Variants in KCNMB2 observed in about 807,000 individuals in gnomAD.
KCNMB2 encodes the protein calcium-activated potassium channel subunit beta-2.
Under a neutral mutation model 24.5 loss-of-function variants are expected in KCNMB2, and 9 were observed. That is an observed-to-expected ratio of 0.37 (90% CI 0.22 to 0.64). KCNMB2 has a LOEUF of 0.64. Among genes scored for constraint, KCNMB2 ranks in the 30% least tolerant of loss-of-function variants. KCNMB2 has a pLI of 0.63. For synonymous variants in KCNMB2, 109 were observed against 104.4 expected (o/e 1.04, Z -0.27); for missense variants, 226 against 284.3 (o/e 0.79, Z 1.47).
intron 1 of KCNMB2, among the ~76,000 whole-genome samples, chr3:178,799,636 C>T (rs1213641099): frequency 3.9e-5 from 6 of 152,094 alleles, no homozygotes; most frequent in African/African-American, 1.2e-4. Context: ...CAATCCCTAT[C>T]AAAATACCAA....
At chr3:178,822,596 T>C (rs944112338) in intron 2 of KCNMB2, among the ~76,000 whole-genome samples, 2 of 152,226 alleles carry the variant, frequency 1.3e-5, no homozygotes, top group African/African-American at 4.8e-5. Context: ...ATTAATTCTA[T>C]AATCATTTAC....
chr3:178,653,655 T>C (rs1340613048), intron 1 of KCNMB2, among the ~76,000 whole-genome samples: 1 of 152,136 alleles, frequency 6.6e-6, no homozygotes, highest in African/African-American at 2.4e-5. Flanking sequence ...AAAGTAACAA[T>C]TGATATAATT....
chr3:178,705,288 C>T (rs1722240622), intron 1 of KCNMB2, among the ~76,000 whole-genome samples: 1 of 152,040 alleles, frequency 6.6e-6, no homozygotes, highest in Admixed American at 6.6e-5. Context: ...TCTAGGTAGT[C>T]ACTTCCTATC....
chr3:178,649,273 C>A (rs1423378056), intron 1 of KCNMB2, among the ~76,000 whole-genome samples: 1 of 152,124 alleles, frequency 6.6e-6, no homozygotes, highest in Admixed American at 6.6e-5. Flanking sequence ...TCAATAAATT[C>A]TTCTCCACAT....
At chr3:178,701,388 C>T (rs1477981834) in intron 1 of KCNMB2, among the ~76,000 whole-genome samples, 2 of 152,064 alleles carry the variant, frequency 1.3e-5, no homozygotes, top group African/African-American at 4.8e-5. Flanking sequence ...AGTCAGGTAG[C>T]CTGATGCCTC....
At position 178,809,052 on chromosome 3, in the gene KCNMB2, T is replaced by C. The variant is rs549483492; in HGVS notation, c.56+1587T>C. Reference sequence around the variant, plus strand: ...TTCACTGCTTTTTCTCAAGGCTTAATCAAATTATTTTTCATTTGCTTTCAA... The same window carrying C: ...TTCACTGCTTTTTCTCAAGGCTTAACCAAATTATTTTTCATTTGCTTTCAA... On this transcript the variant is annotated intron_variant, in intron 2 of 4. Coordinates refer to ENST00000452583, the MANE Select transcript of KCNMB2 (RefSeq NM_181361.3). Among the ~76,000 whole-genome samples, 101 of 152,326 alleles carry C rather than the reference T, an allele frequency of 6.6e-4. 1 individual carries two copies. The highest frequency in any genetic ancestry group is 1.3e-3 in the Non-Finnish European group (87 of 68,036).
At chr3:178,602,468 A>G in intron 1 of KCNMB2, among the ~76,000 whole-genome samples, 1 of 152,104 alleles carries the variant, frequency 6.6e-6, no homozygotes, top group Non-Finnish European at 1.5e-5. Flanking sequence ...AGGAATCAGC[A>G]ATTACAATAA....
chr3:178,777,495 G>A (rs969396147), intron 1 of KCNMB2, among the ~76,000 whole-genome samples: 6 of 152,138 alleles, frequency 3.9e-5, no homozygotes, highest in African/African-American at 1.4e-4. Flanking sequence ...TAAAATATCT[G>A]GAAAGCAATC....
intron 1 of KCNMB2, among the ~76,000 whole-genome samples, chr3:178,800,604 T>G (rs1033639424): frequency 6.6e-6 from 1 of 152,176 alleles, no homozygotes; most frequent in Non-Finnish European, 1.5e-5. Context: ...ACAACCGTTA[T>G]GGAAAACAGT....
chr3:178,831,305 A>G (rs1485583617), intron 4 of KCNMB2, among the ~76,000 whole-genome samples: 1 of 152,194 alleles, frequency 6.6e-6, no homozygotes, highest in African/African-American at 2.4e-5. Flanking sequence ...ACGCCTATCC[A>G]CTTTTGGTGG....
At chr3:178,705,501 T>C (rs1722247694) in intron 1 of KCNMB2, among the ~76,000 whole-genome samples, 2 of 152,084 alleles carry the variant, frequency 1.3e-5, no homozygotes, top group Admixed American at 6.6e-5. Flanking sequence ...GTAATATAAA[T>C]GAGAGAGTAG....
intron 1 of KCNMB2, among the ~76,000 whole-genome samples, chr3:178,691,936 AAT>A (rs1721694446): frequency 6.6e-6 from 1 of 152,168 alleles, no homozygotes; most frequent in South Asian, 2.1e-4. Flanking sequence ...ACTTTTTAAT[AAT>A]AGCAATTCTG....
intron 1 of KCNMB2, among the ~76,000 whole-genome samples, chr3:178,606,539 A>C (rs1366585619): frequency 6.7e-6 from 1 of 149,304 alleles, no homozygotes. Context: ...TTGGAAGTAC[A>C]TAATTTGTTT....
intron 1 of KCNMB2, among the ~76,000 whole-genome samples, chr3:178,694,643 GA>G (rs1448928697): frequency 6.6e-6 from 1 of 152,224 alleles, no homozygotes; most frequent in Non-Finnish European, 1.5e-5. Flanking sequence ...ATGCAATTCT[GA>G]AATCCAATAA....
chr3:178,545,233 G>A (rs1321526443), intron 1 of KCNMB2, among the ~76,000 whole-genome samples: 1 of 152,122 alleles, frequency 6.6e-6, no homozygotes, highest in African/African-American at 2.4e-5. Flanking sequence ...AGTCCACATA[G>A]GATTCTTACT....
chr3:178,633,226 GC>G (rs1719385965), intron 1 of KCNMB2, among the ~76,000 whole-genome samples: 1 of 152,168 alleles, frequency 6.6e-6, no homozygotes. Flanking sequence ...AAGAATGGTG[GC>G]CCTCTTCTCA....
intron 1 of KCNMB2, among the ~76,000 whole-genome samples, chr3:178,643,523 A>C (rs1278523090): frequency 6.6e-6 from 1 of 152,170 alleles, no homozygotes; most frequent in African/African-American, 2.4e-5. Flanking sequence ...TAAAGAGTGG[A>C]GGAAGGGTGC....
At chr3:178,645,592 G>T (rs1719892105) in intron 1 of KCNMB2, among the ~76,000 whole-genome samples, 1 of 152,218 alleles carries the variant, frequency 6.6e-6, no homozygotes. Flanking sequence ...GGGAGCCAGT[G>T]TAGGAGAATG....
chr3:178,599,853 T>G (rs540744624), intron 1 of KCNMB2, among the ~76,000 whole-genome samples: 38 of 152,266 alleles, frequency 2.5e-4, no homozygotes, highest in Non-Finnish European at 4.9e-4. Context: ...CAAGACATAT[T>G]CTGCAGTATT....
Sources: allele counts gnomAD v4.1 joint callset (sites outside exome capture counted in the v4.1 genomes callset), GRCh38; gene constraint gnomAD v4.1.1; transcripts MANE v1.5; gene names NCBI Gene and HGNC (gene_info 2026-07-23, HGNC 2026-07-21).